TRPM7: variants seen among roughly 807,000 people sequenced by gnomAD.
The protein encoded by TRPM7 is LTRPC ion channel family member 7.
A neutral mutation model predicts 229.7 loss-of-function variants in TRPM7; 134 were observed. The observed-to-expected ratio is 0.58, with a 90% confidence interval of 0.51 to 0.67. The LOEUF is 0.67. Ranked by LOEUF, TRPM7 falls within the 30% of genes least tolerant of loss-of-function variation. The pLI is 0.00. For synonymous variants in TRPM7, 699 were observed against 715.2 expected, an observed-to-expected ratio of 0.98 and a Z score of 0.36; for missense variants, 1,901 against 2,210.0, an observed-to-expected ratio of 0.86 and a Z score of 2.80.
intron 21 of TRPM7, among the ~76,000 whole-genome samples, chr15:50,602,141 C>T (rs947387360): frequency 6.6e-6 from 1 of 151,828 alleles, no homozygotes; most frequent in African/African-American, 2.4e-5. Context: ...CCCAAATGTC[C>T]GTCAATGATA....
chr15:50,569,792 T>C, intron 38 of TRPM7, 95 bp downstream of exon 38: 1 of 663,870 alleles, frequency 1.5e-6, no homozygotes, highest in Non-Finnish European at 2.5e-6. Context: ...TTAGAGACCA[T>C]TACATTAAAC....
In TRPM7 at chr15:50,585,048, G is replaced by GT. The variant is rs1488163306; in HGVS notation, c.4486+1343dup. Among the ~76,000 whole-genome samples the GT allele has an allele frequency of 7.1e-4, 61 of 85,762 alleles. 2 individuals carry two copies. The highest frequency in any genetic ancestry group is 1.5e-3 in the African/African-American group (33 of 22,556). The allele number at this position is 85,762 out of a possible 152,430, so 56.3% of individuals were successfully genotyped here. A position where few individuals can be genotyped will look rare whatever the true frequency, so the allele number is the denominator to read the frequency against. On this transcript the variant is annotated intron_variant, in intron 28 of 38. Transcript: ENST00000646667. ...GCGCCACCACATCTAGCTAATTTTT[G>GT]TATTTTTTTTTTTTTTTTTTTTTTG...
intron 21 of TRPM7, among the ~76,000 whole-genome samples, chr15:50,600,195 G>A (rs1296621677): frequency 6.6e-6 from 1 of 152,160 alleles, no homozygotes; most frequent in Non-Finnish European, 1.5e-5. Flanking sequence ...CCAGCACTTC[G>A]GGAGGCCGAG....
rs60939201 is a variant in TRPM7 at position 50,638,358 on chromosome 15, C to CAAAAAAAA, written c.661-773_661-766dup. 7.1e-5 allele frequency among the ~76,000 whole-genome samples: 3 copies of CAAAAAAAA among 42,284 alleles called. 1 individual carries two copies. The highest frequency in any genetic ancestry group is 3.7e-4 in the African/African-American group (3 of 8,106). The allele number at this position is 42,284 out of a possible 152,430, so 27.7% of individuals were successfully genotyped here. On this transcript the variant is annotated intron_variant, in intron 6 of 38. Transcript: ENST00000646667. ...TGGGCGACAGAGCGAGACTCCGTCTCAAAAAAAAAAAAAAAAAAAAAAAAA... is the reference window on the plus strand; with the variant it reads ...TGGGCGACAGAGCGAGACTCCGTCTCAAAAAAAAAAAAAAAAAAAAAAAAAAAAAAAAA...
intron 26 of TRPM7, among the ~76,000 whole-genome samples, chr15:50,591,658 G>A (rs2059496580): frequency 6.6e-6 from 1 of 151,886 alleles, no homozygotes; most frequent in Admixed American, 6.6e-5. Flanking sequence ...CACTGCGCCT[G>A]GCTACTTCCA....
Position 50,592,620 on chromosome 15 carries a change from T to C in TRPM7, c.3615A>G (p.Glu1205=). 3.8e-6 allele frequency: 6 copies of C among 1,578,432 alleles called. No individual in the cohort carries two copies. Among genetic ancestry groups the C allele is most frequent in the Non-Finnish European group, 5.2e-6 (6 of 1,163,950 alleles). Residue 1205 remains glutamate (E), a synonymous_variant, in exon 26 of 39, where the codon GAA becomes GAG. Coordinates refer to ENST00000646667, the MANE Select transcript of TRPM7 (RefSeq NM_017672.6). ...ERIRVTFERV[E]QMCIQIKEVG... is the part of the protein sequence containing the mutation. ...CTTCTTTAATCTGAATGCACATCTG[T>C]TCCACTCTGTAGGAGAGAAATAAGC...
At chr15:50,673,496 C>T (rs988175449) in intron 1 of TRPM7, among the ~76,000 whole-genome samples, 2 of 152,134 alleles carry the variant, frequency 1.3e-5, no homozygotes, top group Non-Finnish European at 2.9e-5. Context: ...GCTCAGCTCC[C>T]ACTTATGAGT....
intron 16 of TRPM7, among the ~76,000 whole-genome samples, chr15:50,611,960 T>C (rs1046512037): frequency 6.6e-6 from 1 of 152,260 alleles, no homozygotes; most frequent in Admixed American, 6.5e-5. Context: ...GCTTCTGAAG[T>C]GCCTTCCCAG....
intron 3 of TRPM7, among the ~76,000 whole-genome samples, chr15:50,651,228 T>C (rs1286771565): frequency 4.1e-5 from 6 of 147,666 alleles, no homozygotes; most frequent in African/African-American, 1.5e-4. Context: ...TACTGAGGCA[T>C]GCAAAGAAGC....
At chr15:50,611,345 T>A (rs1393612079) in intron 16 of TRPM7, 24 bp from the exon 17 acceptor site, 1 of 1,580,968 alleles carries the variant, frequency 6.3e-7, no homozygotes, top group African/African-American at 1.4e-5. Context: ...AAAGCCAAAA[T>A]ATACTCAGAT....
At chr15:50,660,883 T>C (rs2061704140) in intron 2 of TRPM7, among the ~76,000 whole-genome samples, 1 of 152,168 alleles carries the variant, frequency 6.6e-6, no homozygotes, top group Non-Finnish European at 1.5e-5. Flanking sequence ...AATTAAATTT[T>C]AAATGGCTAA....
intron 9 of TRPM7, among the ~76,000 whole-genome samples, chr15:50,632,376 A>C (rs2140664961): frequency 6.6e-6 from 1 of 152,334 alleles, no homozygotes; most frequent in Non-Finnish European, 1.5e-5. Flanking sequence ...TTCATAGTTT[A>C]CAAAAACTTG....
chr15:50,575,459 A>G (rs186295940), intron 33 of TRPM7, among the ~76,000 whole-genome samples: 59 of 152,348 alleles, frequency 3.9e-4, no homozygotes, highest in Non-Finnish European at 7.6e-4. Context: ...GTCAGTTTAT[A>G]TAAATTACTA....
At chr15:50,564,312 A>G (rs911513419) in intron 38 of TRPM7, among the ~76,000 whole-genome samples, 1 of 150,020 alleles carries the variant, frequency 6.7e-6, no homozygotes, top group Non-Finnish European at 1.5e-5. Flanking sequence ...ATAAAATAAA[A>G]TAGTATCCAA....
rs2060150364 is a variant in TRPM7, at chr15:50,614,275, A to C, written c.1495-12T>G. ...GGAGGAAGATTTCCCTAGAAACAAAACATTTGTTTTAAATAGATCAGATAG... is the reference window on the plus strand; with the variant it reads ...GGAGGAAGATTTCCCTAGAAACAAACCATTTGTTTTAAATAGATCAGATAG... On this transcript the variant is annotated splice_polypyrimidine_tract_variant and intron_variant, in intron 13 of 38. Transcript: ENST00000646667. The C allele has an allele frequency of 3.1e-6, 5 of 1,594,096 alleles. No homozygotes were observed. The highest frequency in any genetic ancestry group is 3.7e-5 in the Admixed American group (2 of 54,594).
intron 10 of TRPM7, among the ~76,000 whole-genome samples, chr15:50,630,155 C>T (rs940740825): frequency 3.3e-5 from 5 of 152,030 alleles, no homozygotes; most frequent in African/African-American, 7.2e-5. Flanking sequence ...AGCCAGCGCA[C>T]GCAGCCTTAC....
intron 1 of TRPM7, among the ~76,000 whole-genome samples, chr15:50,669,198 T>A (rs949071116): frequency 4.6e-5 from 7 of 151,924 alleles, no homozygotes; most frequent in African/African-American, 1.7e-4. Flanking sequence ...TCACAGCACA[T>A]TGGGAGGCTG....
At chr15:50,654,337 C>T (rs959654524) in intron 3 of TRPM7, among the ~76,000 whole-genome samples, 1 of 151,168 alleles carries the variant, frequency 6.6e-6, no homozygotes. Flanking sequence ...ATCCCAGCTA[C>T]TCGGGAGGCT....
intron 12 of TRPM7, among the ~76,000 whole-genome samples, chr15:50,621,178 A>C (rs943781755): frequency 1.3e-4 from 19 of 151,572 alleles, no homozygotes; most frequent in East Asian, 1.2e-3. Context: ...AAAAAAAAAA[A>C]AAAACCTATT....
Sources: allele counts gnomAD v4.1 joint callset (sites outside exome capture counted in the v4.1 genomes callset), GRCh38; gene constraint gnomAD v4.1.1; transcripts MANE v1.5; gene names NCBI Gene and HGNC (gene_info 2026-07-23, HGNC 2026-07-21).